Variants in URGCP observed in about 807,000 individuals in gnomAD.
The protein encoded by URGCP is up-regulator of cell proliferation.
URGCP carries 13 observed loss-of-function variants against 24.6 expected under a neutral mutation model. The observed-to-expected ratio is 0.53, with a 90% CI of 0.34 to 0.84. The LOEUF is 0.84. Ranked by LOEUF, URGCP falls within the 40% of genes least tolerant of loss-of-function variation. URGCP has a pLI of 0.01. For synonymous variants in URGCP, 444 were observed against 487.2 expected, an observed-to-expected ratio of 0.91 and a Z score of 1.17; for missense variants, 899 against 1,194.3, an observed-to-expected ratio of 0.75 and a Z score of 3.64.
rs2095892236 is a variant in URGCP at position 43,902,182 on chromosome 7, G to A, written c.14+4380C>T. ...AGATGGTGGAGAGGGAGGAGGAGGG[G>A]GGAAGAAGAGGGGCAGGTGCCAAGG... On this transcript the variant is annotated intron_variant, in intron 1 of 5. Coordinates refer to ENST00000453200, the MANE Select transcript of URGCP (RefSeq NM_001077663.3). Among the ~76,000 whole-genome samples, 4 of 149,326 alleles carry A rather than the reference G, an allele frequency of 2.7e-5. No individual in the cohort carries two copies. In the South Asian group the frequency reaches 8.9e-4, roughly 33 times the overall value.
rs771743424 is a variant in URGCP at position 43,878,398 on chromosome 7, G to A, written c.1065C>T (p.Ser355=). The change falls in exon 6 of 6, where the codon TCC becomes TCT. Residue 355 remains serine (S), a synonymous_variant. Coordinates refer to ENST00000453200, the MANE Select transcript of URGCP (RefSeq NM_001077663.3). This position sits in a 1 kb window ranked among gnomAD's most constrained non-coding sequence, Gnocchi z 5.6. ...TGTCAGTCAATATAAACACAGCGGA[G>A]GAGATTTCTGTCAAGAGCTTAAACT... ...WLQFKLLTEI[S]SAVFILTDNI... 1.7e-5 allele frequency: 27 copies of A among 1,614,102 alleles called. No homozygotes were observed. The Middle Eastern group carries it at 4.9e-4, about 29-fold the overall frequency.
intron 3 of URGCP, among the ~76,000 whole-genome samples, chr7:43,886,453 T>A (rs1054480730): frequency 6.6e-6 from 1 of 152,166 alleles, no homozygotes; most frequent in East Asian, 1.9e-4. Context: ...ATGAAAGATA[T>A]ATCTAAAATG....
Position 43,876,059 on chromosome 7 carries a change from G to A in URGCP, c.*608C>T, listed in dbSNP as rs2132640852. ...CATGAGTTACAACGCGCTGCGTGAA[G>A]TGTGTGGCAGAGGTATAACAAAGTG... is the stretch of plus-strand genomic sequence containing the variant. On this transcript the variant is annotated 3_prime_UTR_variant, in exon 6 of 6. Transcript: ENST00000453200. The A allele has an allele frequency of 6.4e-6, 1 of 155,334 alleles. No homozygotes were observed. The highest frequency in any genetic ancestry group is 6.3e-5 in the Admixed American group (1 of 15,756). 9.6% of individuals were successfully genotyped at this position (155,334 alleles called of 1,614,324 possible). A position where few individuals can be genotyped will look rare whatever the true frequency, so the allele number is the denominator to read the frequency against.
At chr7:43,912,967 C>T (rs2095911639) in intron 1 of URGCP, among the ~76,000 whole-genome samples, 1 of 152,096 alleles carries the variant, frequency 6.6e-6, no homozygotes, top group East Asian at 1.9e-4. Flanking sequence ...TCTCCTGCCT[C>T]AGCCTCCCAT....
intron 1 of URGCP, among the ~76,000 whole-genome samples, chr7:43,920,989 G>C (rs2095921763): frequency 6.6e-6 from 1 of 152,150 alleles, no homozygotes; most frequent in South Asian, 2.1e-4. Context: ...ATCTGCTGCT[G>C]TTTGTCTGTG....
chr7:43,910,515 C>CA (rs1271325543), upstream of URGCP, among the ~76,000 whole-genome samples: 1 of 151,210 alleles, frequency 6.6e-6, no homozygotes, highest in East Asian at 1.9e-4. Context: ...AGATGTGAGC[C>CA]ACCATGCCTG....
At chr7:43,908,408 A>G (rs2132719978), upstream of URGCP, among the ~76,000 whole-genome samples, 1 of 152,354 alleles carries the variant, frequency 6.6e-6, no homozygotes, top group South Asian at 2.1e-4. Flanking sequence ...CATAAGGAAT[A>G]CATGTTTACT....
intron 1 of URGCP, among the ~76,000 whole-genome samples, chr7:43,923,415 T>C (rs182853598): frequency 3.3e-5 from 5 of 151,570 alleles, no homozygotes; most frequent in Non-Finnish European, 7.4e-5. Context: ...ACCTCCCGAA[T>C]AGCTGTGCCC....
intron 3 of URGCP, among the ~76,000 whole-genome samples, chr7:43,887,127 T>C (rs1037861348): frequency 2.6e-5 from 4 of 152,200 alleles, no homozygotes; most frequent in African/African-American, 9.7e-5. Context: ...TTAAATTGTG[T>C]CATAATCACC....
At chr7:43,904,302 T>C (rs2095897105) in intron 1 of URGCP, among the ~76,000 whole-genome samples, 1 of 152,242 alleles carries the variant, frequency 6.6e-6, no homozygotes, top group Non-Finnish European at 1.5e-5. Context: ...ATTTCCTTTA[T>C]TTAGCACAAT....
At position 43,919,140 on chromosome 7, in the gene URGCP, C is replaced by A. The variant is rs2095919120; in HGVS notation, c.-116+6992G>T. 8.1e-6 allele frequency: 7 copies of A among 862,116 alleles called. No individual in the cohort carries two copies. The Admixed American group carries it at 1.2e-4, about 15-fold the overall frequency. The allele number at this position is 862,116 out of a possible 1,614,324, so 53.4% of individuals were successfully genotyped here. The stretch of plus-strand genomic sequence containing the variant: ...CATTGCTGGGGGGACAGGCTCTGGC[C>A]TGGGCTCCTACCTCTTAGAATGGCT... On this transcript the variant is annotated intron_variant, in intron 1 of 5. Transcript: ENST00000426198.
intron 1 of URGCP, among the ~76,000 whole-genome samples, chr7:43,901,087 T>C (rs1261551691): frequency 6.6e-6 from 1 of 152,192 alleles, no homozygotes; most frequent in Non-Finnish European, 1.5e-5. Flanking sequence ...GAAATAACAG[T>C]CCTTATTGAA....
rs774684179 is a variant in URGCP at position 43,876,875 on chromosome 7, G to C, written c.2588C>G (p.Ala863Gly). ...CTCAGGGTCGCAGAAGGCCAGGCCT[G>C]CCAGTGCCCGGAAGCCGTCGCCCTG... ...EKQGDGFRAL[A>G]GLAFCDPEKQ... The change falls in exon 6 of 6, where the codon GCA (alanine) becomes GGA (glycine). Residue 863 changes from alanine (A) to glycine (G), a missense_variant. Coordinates refer to ENST00000453200, the MANE Select transcript of URGCP (RefSeq NM_001077663.3). The C allele has an allele frequency of 6.8e-5, 110 of 1,613,892 alleles. No individual in the cohort carries two copies. Among genetic ancestry groups the C allele is most frequent in the Non-Finnish European group, 9.1e-5 (107 of 1,180,032 alleles).
At chr7:43,922,533 G>A (rs1290779627) in intron 1 of URGCP, among the ~76,000 whole-genome samples, 1 of 152,058 alleles carries the variant, frequency 6.6e-6, no homozygotes, top group African/African-American at 2.4e-5. Context: ...TCTCATTATG[G>A]CTTTGATTTG....
At chr7:43,914,582 T>C (rs748045020) in intron 1 of URGCP, among the ~76,000 whole-genome samples, 44 of 152,116 alleles carry the variant, frequency 2.9e-4, no homozygotes, top group Non-Finnish European at 5.0e-4. Flanking sequence ...GTTAGAGGCA[T>C]TTGAATCACA....
chr7:43,888,230 G>T, intron 1 of URGCP: 1 of 154,694 alleles, frequency 6.5e-6, no homozygotes, highest in Non-Finnish European at 1.4e-5. Context: ...GGCCTGGTGT[G>T]GTGGCTCACG....
At chr7:43,905,504 T>A (rs1029761404) in intron 1 of URGCP, 1 of 152,214 alleles carries the variant, frequency 6.6e-6, no homozygotes, top group Non-Finnish European at 1.5e-5. Context: ...TCAGGCCCAC[T>A]GTACTGAGCC....
At chr7:43,905,945 G>C (rs1202477119) in intron 1 of URGCP, 1 of 152,180 alleles carries the variant, frequency 6.6e-6, no homozygotes. Context: ...AAGTTGAAAA[G>C]AGGTAATATC....
At chr7:43,904,039 C>A (rs909087119) in intron 1 of URGCP, among the ~76,000 whole-genome samples, 1 of 152,232 alleles carries the variant, frequency 6.6e-6, no homozygotes, top group Non-Finnish European at 1.5e-5. Context: ...GCATGAGCTG[C>A]TCCCTGTCTT....
Sources: gnomAD v4.1 joint callset for allele counts (sites outside exome capture counted in the v4.1 genomes callset) on GRCh38, gnomAD v4.1.1 for gene constraint, Gnocchi (gnomAD v3.1) non-coding constraint, MANE v1.5 for transcripts, NCBI Gene and HGNC (gene_info 2026-07-23, HGNC 2026-07-21) for gene names.